MAP7D1: variants seen among roughly 807,000 people sequenced by gnomAD.
MAP7D1 encodes MAP7 domain containing 1.
Under a neutral mutation model 97.5 loss-of-function variants are expected in MAP7D1, and 30 were observed. That is an observed-to-expected ratio of 0.31 (90% CI 0.23 to 0.42). The LOEUF is 0.42. MAP7D1 is among the 10% of genes least tolerant of loss of function. The probability of loss-of-function intolerance (pLI) is 1.00; values close to 1 mark genes in which losing one functional copy is unlikely to be tolerated. For missense variants in MAP7D1, 1,184 were observed against 1,179.5 expected (o/e 1.00, Z -0.06); for synonymous variants, 536 against 477.1 (o/e 1.12, Z -1.61).
At chr1:36,167,649 G>A (rs967267870) in intron 1 of MAP7D1, among the ~76,000 whole-genome samples, 4 of 152,218 alleles carry the variant, frequency 2.6e-5, no homozygotes, top group South Asian at 2.1e-4. Flanking sequence ...GGGCTTGCCC[G>A]AGGTTCGCCG....
rs542687892 is a variant in MAP7D1 at position 36,180,771 on chromosome 1, C to G, written c.*513C>G. 5.2e-5 allele frequency: 9 copies of G among 173,200 alleles called. No homozygotes were observed. In the East Asian group the frequency reaches 1.4e-3, roughly 26 times the overall value. The allele number at this position is 173,200 out of a possible 1,614,324, so 10.7% of individuals were successfully genotyped here. ...GGATACTGGTTGCTTCAGGGGTACC[C>G]ATGCCCCCTGCCCTCGCCTGGAATC... On this transcript the variant is annotated 3_prime_UTR_variant, in exon 17 of 17. Transcript: ENST00000474796.
At chr1:36,162,208 C>T (rs1005981573) in intron 1 of MAP7D1, among the ~76,000 whole-genome samples, 26 of 152,168 alleles carry the variant, frequency 1.7e-4, no homozygotes, top group African/African-American at 5.3e-4. Context: ...AGCCCTCACC[C>T]AGGCACTCCC....
At chr1:36,156,552 C>T in intron 1 of MAP7D1, 89 bp downstream of exon 1, 1 of 1,103,680 alleles carries the variant, frequency 9.1e-7, no homozygotes, top group East Asian at 3.2e-5. Flanking sequence ...TGGGCGGGGA[C>T]CCCTCCGCTG....
At position 36,179,528 on chromosome 1, in the gene MAP7D1, A is replaced by G. The variant is rs766414408; in HGVS notation, c.2198A>G (p.Lys733Arg). 3.8e-6 allele frequency: 6 copies of G among 1,578,114 alleles called. No individual in the cohort carries two copies. In the Admixed American group the frequency reaches 1.1e-4, roughly 29 times the overall value. ...EVSETKKQDS[K>R]EANANGSSPE... ...TCTTCAAAGCAGAAGCAGGACAGCAAGGAGGCCAACGCCAACGGTTCCAGC... is the reference window on the plus strand; with the variant it reads ...TCTTCAAAGCAGAAGCAGGACAGCAGGGAGGCCAACGCCAACGGTTCCAGC... The change falls in exon 14 of 17, where the codon AAG becomes AGG. Residue 733 changes from lysine to arginine, a missense_variant. Physicochemically the swap from Lys to Arg is conservative, Grantham distance 26. Coordinates refer to ENST00000474796, the MANE Select transcript of MAP7D1 (RefSeq NM_001388490.1).
intron 1 of MAP7D1, 32 bp downstream of exon 1, chr1:36,156,495 G>A (rs1321598991): frequency 7.8e-6 from 11 of 1,415,312 alleles, no homozygotes; most frequent in Admixed American, 6.3e-5. Flanking sequence ...GGCGAGATGG[G>A]GGTAGATGGA....
Position 36,179,899 on chromosome 1 carries a change from T to C in MAP7D1, c.2344T>C (p.Ser782Pro). The change falls in exon 16 of 17, where the codon TCC (serine) becomes CCC (proline). Residue 782 changes from serine to proline, a missense_variant. Transcript: ENST00000474796. ...TCTCCCAAGCAAGGAGTTGCCAGCGTCCCTGGTGAATGGCCTGCAGCCTCT... is the reference window on the plus strand; with the variant it reads ...TCTCCCAAGCAAGGAGTTGCCAGCGCCCCTGGTGAATGGCCTGCAGCCTCT... Reference protein sequence around the residue: ...WSLPSKELPASLVNGLQPLPA... With the variant: ...WSLPSKELPAPLVNGLQPLPA... The C allele has an allele frequency of 6.2e-7, 1 of 1,613,834 alleles. No individual in the cohort carries two copies. Among genetic ancestry groups the C allele is most frequent in the Non-Finnish European group, 8.5e-7 (1 of 1,179,832 alleles).
At position 36,172,452 on chromosome 1, in the gene MAP7D1, CT is replaced by C. The variant is rs777789162; in HGVS notation, c.461-9del. 6.4e-7 allele frequency: 1 copy of C among 1,558,334 alleles called. No individual in the cohort carries two copies. Among genetic ancestry groups the C allele is most frequent in the Non-Finnish European group, 8.7e-7 (1 of 1,143,466 alleles). ...ACCCTTCACACACGCCACTGGGCTCCTTTGTCCACAGCGGCCAAGAAGGCAG... is the reference window on the plus strand; with the variant it reads ...ACCCTTCACACACGCCACTGGGCTCCTTGTCCACAGCGGCCAAGAAGGCAG... On this transcript the variant is annotated splice_polypyrimidine_tract_variant and intron_variant, in intron 3 of 16. Coordinates refer to ENST00000474796, the MANE Select transcript of MAP7D1 (RefSeq NM_001388490.1).
rs576133749 is a variant in MAP7D1 at position 36,168,114 on chromosome 1, GTGAAA to G, written c.47-2856_47-2852del. ...GATGGAGACCAGCCTGGCCAACATG[GTGAAA>G]CCCCGTCTCTACTAAAAATACAAAA... On this transcript the variant is annotated intron_variant, in intron 1 of 16. Transcript: ENST00000474796. Among the ~76,000 whole-genome samples, 360 of 152,222 alleles carry G rather than the reference GTGAAA, an allele frequency of 2.4e-3. 1 individual carries two copies. The highest frequency in any genetic ancestry group is 8.0e-3 in the African/African-American group (331 of 41,516).
chr1:36,173,857 G>A (rs566761140), intron 5 of MAP7D1, among the ~76,000 whole-genome samples: 4 of 152,116 alleles, frequency 2.6e-5, no homozygotes, highest in Non-Finnish European at 4.4e-5. Flanking sequence ...TTTTCTCCGC[G>A]TAGGGCCACC....
At chr1:36,174,867 G>C in intron 5 of MAP7D1, 31 bp from the exon 6 acceptor site, 3 of 1,425,318 alleles carry the variant, frequency 2.1e-6, no homozygotes, top group Non-Finnish European at 3.0e-6. Flanking sequence ...TGCCGGGCCC[G>C]GCCCTAATGC....
At chr1:36,172,064 T>C (rs561804226) in intron 3 of MAP7D1, 43 of 179,576 alleles carry the variant, frequency 2.4e-4, no homozygotes, top group Middle Eastern at 2.6e-3. Context: ...CTCAGAGAGA[T>C]GAAATCATTT....
intron 1 of MAP7D1, among the ~76,000 whole-genome samples, chr1:36,161,369 A>C (rs1644406950): frequency 6.6e-6 from 1 of 152,068 alleles, no homozygotes; most frequent in Non-Finnish European, 1.5e-5. Context: ...CCCAGCCCAG[A>C]TCTCTCCAGG....
intron 8 of MAP7D1, chr1:36,177,475 G>T: frequency 2.2e-6 from 1 of 462,022 alleles, no homozygotes. Context: ...AGCTATGTAT[G>T]ATGATGCCAC....
intron 8 of MAP7D1, 44 bp from the exon 9 acceptor site, chr1:36,177,829 G>T (rs1644649799): frequency 1.3e-6 from 2 of 1,520,992 alleles, no homozygotes; most frequent in Non-Finnish European, 1.8e-6. Flanking sequence ...TCAGCGTGTG[G>T]GTGTGTGTGT....
At position 36,172,455 on chromosome 1, in the gene MAP7D1, T is replaced by C; in HGVS notation, c.461-9T>C. On this transcript the variant is annotated splice_polypyrimidine_tract_variant and intron_variant, in intron 3 of 16. Transcript: ENST00000474796. ...CTTCACACACGCCACTGGGCTCCTT[T>C]GTCCACAGCGGCCAAGAAGGCAGTG... The C allele has an allele frequency of 1.3e-6, 2 of 1,560,502 alleles. No homozygotes were observed. The highest frequency in any genetic ancestry group is 1.4e-5 in the African/African-American group (1 of 73,808).
At chr1:36,156,558 C>G in intron 1 of MAP7D1, 95 bp downstream of exon 1, 1 of 1,031,648 alleles carries the variant, frequency 9.7e-7, no homozygotes, top group Non-Finnish European at 1.3e-6. Flanking sequence ...GGGACCCCTC[C>G]GCTGCCGCGC....
Position 36,180,662 on chromosome 1 carries a change from C to T in MAP7D1, c.*404C>T, listed in dbSNP as rs1381846155. On this transcript the variant is annotated 3_prime_UTR_variant, in exon 17 of 17. Transcript: ENST00000474796. ...CAGGAGGCAGACCCTCCCCCCAAAG[C>T]CCCCTGGGGAGATCTTCCTCTCTCT... 8.0e-6 allele frequency: 2 copies of T among 251,542 alleles called. No individual in the cohort carries two copies. Among genetic ancestry groups the T allele is most frequent in the Non-Finnish European group, 1.6e-5 (2 of 128,798 alleles). 15.6% of individuals were successfully genotyped at this position (251,542 alleles called of 1,614,324 possible). A position where few individuals can be genotyped will look rare whatever the true frequency, so the allele number is the denominator to read the frequency against.
chr1:36,174,372 G>A (rs974443049), intron 5 of MAP7D1, among the ~76,000 whole-genome samples: 3 of 152,230 alleles, frequency 2.0e-5, no homozygotes, highest in African/African-American at 7.2e-5. Flanking sequence ...GTGCATGTCT[G>A]CACACATGTG....
At chr1:36,175,579 GGGAGTTATTTATAAGTT>G (rs1393315148) in intron 6 of MAP7D1, among the ~76,000 whole-genome samples, 2 of 152,252 alleles carry the variant, frequency 1.3e-5, no homozygotes, top group Non-Finnish European at 2.9e-5. Context: ...GAGCCATGGT[GGGAGTTATTTATAAGTT>G]TCTCTTGCAT....
Sources: allele counts gnomAD v4.1 joint callset (sites outside exome capture counted in the v4.1 genomes callset), GRCh38; gene constraint gnomAD v4.1.1; transcripts MANE v1.5; gene names NCBI Gene and HGNC (gene_info 2026-07-23, HGNC 2026-07-21).